Variants in TRIM49 observed in about 807,000 individuals in gnomAD.
TRIM49 encodes tripartite motif containing 49, also known as tripartite motif-containing protein 49.
A neutral mutation model predicts 27.4 loss-of-function variants in TRIM49; 5 were observed. The ratio of observed to expected loss-of-function variants is 0.18; its 90% confidence interval spans 0.10 to 0.38. TRIM49 has a LOEUF of 0.38. Ranked by LOEUF, TRIM49 falls within the 10% of genes least tolerant of loss-of-function variation. TRIM49 has a pLI of 1.00. For synonymous variants in TRIM49, 69 were observed against 166.0 expected (o/e 0.42, Z 4.49); for missense variants, 188 against 487.5 (o/e 0.39, Z 5.79).
chr11:89,798,019 C>G lies in TRIM49; in HGVS notation c.*111G>C. The G allele has an allele frequency of 1.7e-6, 1 of 589,608 alleles. No homozygotes were observed. The highest frequency in any genetic ancestry group is 2.5e-6 in the Non-Finnish European group (1 of 403,020). 36.5% of individuals were successfully genotyped at this position (589,608 alleles called of 1,614,324 possible). ...GTTTTGATAACATTAGAAGGCAATT[C>G]AAGACATAAAATAGAGCCTATTTGT... On this transcript the variant is annotated 3_prime_UTR_variant, in exon 8 of 8. Coordinates refer to ENST00000329758, the MANE Select transcript of TRIM49 (RefSeq NM_020358.2).
chr11:89,777,131 G>T, the TRIM49 span: 266 of 1,550,428 alleles, frequency 1.7e-4, no homozygotes, highest in Non-Finnish European at 2.1e-4. Flanking sequence ...GCACCAATGC[G>T]CTGCCCTTCG....
At chr11:89,769,810 T>C in the TRIM49 span, among the ~76,000 whole-genome samples, 1 of 104,136 alleles carries the variant, frequency 9.6e-6, no homozygotes, top group Admixed American at 8.8e-5. Flanking sequence ...CATTTGGCTC[T>C]AGGAGCACAG....
chr11:89,793,375 T>G (rs1949668158), downstream of TRIM49, among the ~76,000 whole-genome samples: 1 of 152,256 alleles, frequency 6.6e-6, no homozygotes, highest in Non-Finnish European at 1.5e-5. Context: ...CCTCCCTAAC[T>G]CATTTTATGA....
chr11:89,775,553 G>A, the TRIM49 span, among the ~76,000 whole-genome samples: 5 of 127,530 alleles, frequency 3.9e-5, no homozygotes, highest in South Asian at 4.9e-4. Flanking sequence ...AGTGTAGAGT[G>A]GAAAACCTAA....
downstream of TRIM49, among the ~76,000 whole-genome samples, chr11:89,793,778 A>G (rs1340793834): frequency 6.6e-6 from 1 of 151,978 alleles, no homozygotes; most frequent in Non-Finnish European, 1.5e-5. Flanking sequence ...GCCAATAAAT[A>G]TCATACTGAG....
the TRIM49 span, among the ~76,000 whole-genome samples, chr11:89,784,228 C>A: frequency 9.3e-6 from 1 of 107,758 alleles, no homozygotes; most frequent in African/African-American, 6.3e-5. Flanking sequence ...TAAGCTGCTG[C>A]CTAAGGTTAG....
rs1311329096 is a variant in TRIM49 at position 89,803,942 on chromosome 11, C to A, written c.411+117G>T. The A allele has an allele frequency of 6.7e-5, 106 of 1,590,058 alleles. 1 individual carries two copies. The highest frequency in any genetic ancestry group is 8.9e-5 in the Non-Finnish European group (104 of 1,167,374). The stretch of plus-strand genomic sequence containing the variant: ...GCCCAGAGGTTGGAAGCTAAGAAAG[C>A]CCAAACAGAGCTGCTTAAAGGGACT... On this transcript the variant is annotated intron_variant, in intron 3 of 7. Transcript: ENST00000329758.
At chr11:89,808,337 AC>A (rs1341516602) in intron 1 of TRIM49, 99 bp downstream of exon 1, 1 of 148,152 alleles carries the variant, frequency 6.7e-6, no homozygotes, top group Non-Finnish European at 1.5e-5. Flanking sequence ...AATCTATCAG[AC>A]CCAGGTCTGT....
At chr11:89,790,699 G>C in the TRIM49 span, among the ~76,000 whole-genome samples, 1 of 152,004 alleles carries the variant, frequency 6.6e-6, no homozygotes, top group South Asian at 2.1e-4. Context: ...CTGACTGTTA[G>C]AAGGAAAACT....
At chr11:89,793,005 A>G (rs1234692831), downstream of TRIM49, among the ~76,000 whole-genome samples, 10 of 152,124 alleles carry the variant, frequency 6.6e-5, no homozygotes, top group African/African-American at 2.4e-4. Context: ...TAGCAAGACT[A>G]ATAAAGAAGA....
chr11:89,804,989 G>A (rs557295111), intron 2 of TRIM49, among the ~76,000 whole-genome samples: 24 of 151,110 alleles, frequency 1.6e-4, no homozygotes, highest in South Asian at 1.1e-3. Flanking sequence ...TACATAACAA[G>A]CCTGCAAGTC....
At chr11:89,790,632 C>A in the TRIM49 span, among the ~76,000 whole-genome samples, 1 of 151,946 alleles carries the variant, frequency 6.6e-6, no homozygotes, top group Non-Finnish European at 1.5e-5. Flanking sequence ...GATACCCAGG[C>A]AAACAGTGTC....
At chr11:89,800,048 G>A (rs1262778166) in intron 6 of TRIM49, among the ~76,000 whole-genome samples, 1 of 146,436 alleles carries the variant, frequency 6.8e-6, no homozygotes, top group Non-Finnish European at 1.5e-5. Context: ...TGCTCCAAAT[G>A]TGTAAGGTTC....
downstream of TRIM49, among the ~76,000 whole-genome samples, chr11:89,795,862 G>A (rs1479870314): frequency 1.3e-5 from 2 of 150,932 alleles, no homozygotes; most frequent in African/African-American, 4.9e-5. Flanking sequence ...TTGTGCACAT[G>A]TACCCTAGAA....
At chr11:89,766,528 C>T in the TRIM49 span, 2 of 540,560 alleles carry the variant, frequency 3.7e-6, no homozygotes, top group Non-Finnish European at 6.2e-6. Flanking sequence ...TTCTTTGTAT[C>T]AACAGTGAAG....
chr11:89,787,912 C>A, the TRIM49 span: 67,508 of 371,466 alleles, frequency 0.18, 425 homozygotes, highest in East Asian at 0.35. Context: ...TGGCAGCTCC[C>A]GGGACCACCG....
the TRIM49 span, chr11:89,782,070 T>C: frequency 6.5e-7 from 1 of 1,546,606 alleles, no homozygotes. Context: ...GATGTGACCC[T>C]CTCCTCCAAC....
At chr11:89,806,134 T>G (rs2134648283) in intron 2 of TRIM49, among the ~76,000 whole-genome samples, 1 of 149,584 alleles carries the variant, frequency 6.7e-6, no homozygotes, top group Non-Finnish European at 1.5e-5. Flanking sequence ...GCTACAAACC[T>G]GTACAGTATG....
chr11:89,796,923 T>C (rs1949694107), downstream of TRIM49, among the ~76,000 whole-genome samples: 1 of 150,176 alleles, frequency 6.7e-6, no homozygotes, highest in African/African-American at 2.4e-5. Context: ...GACTATATTT[T>C]AGAATTAGAA....
Sources: gnomAD v4.1 joint callset for allele counts (sites outside exome capture counted in the v4.1 genomes callset) on GRCh38, gnomAD v4.1.1 for gene constraint, MANE v1.5 for transcripts, NCBI Gene and HGNC (gene_info 2026-07-23, HGNC 2026-07-21) for gene names.